The following TNIP3 variants were observed in gnomAD, a reference collection of about 807,000 sequenced individuals.
TNIP3 encodes TNFAIP3-interacting protein 3.
TNIP3 carries 34 observed loss-of-function variants against 54.1 expected under a neutral mutation model. The observed-to-expected ratio is 0.63, with a 90% CI of 0.48 to 0.84. The LOEUF (loss-of-function observed/expected upper bound fraction) is 0.84. Among genes scored for constraint, TNIP3 ranks in the 40% least tolerant of loss-of-function variants. TNIP3 has a pLI of 0.00. For missense variants in TNIP3, 366 were observed against 387.6 expected (o/e 0.94, Z 0.47); for synonymous variants, 134 against 136.8 (o/e 0.98, Z 0.14).
At chr4:121,157,369 C>G in intron 3 of TNIP3, 126 bp from the exon 4 acceptor site, 1 of 1,179,380 alleles carries the variant, frequency 8.5e-7, no homozygotes, top group Admixed American at 2.0e-5. Flanking sequence ...AGGAGAGGTT[C>G]TAGCTCCCAC....
chr4:121,151,604 T>C (rs891893934), intron 5 of TNIP3, among the ~76,000 whole-genome samples: 1 of 152,080 alleles, frequency 6.6e-6, no homozygotes, highest in African/African-American at 2.4e-5. Flanking sequence ...TTTTTTTTTT[T>C]CAATTGGTGA....
At chr4:121,227,034 A>C (rs1356852651) in intron 1 of TNIP3, among the ~76,000 whole-genome samples, 1 of 152,232 alleles carries the variant, frequency 6.6e-6, no homozygotes, top group East Asian at 1.9e-4. Flanking sequence ...TATTATTTAT[A>C]GGATTTTTAG....
intron 3 of TNIP3, among the ~76,000 whole-genome samples, chr4:121,171,943 G>A (rs1007827406): frequency 6.6e-6 from 1 of 152,038 alleles, no homozygotes; most frequent in Non-Finnish European, 1.5e-5. Context: ...ATGTTGGTCA[G>A]GCTTGTCTTG....
chr4:121,182,833 AG>A, intron 2 of TNIP3: 1 of 1,531,814 alleles, frequency 6.5e-7, no homozygotes, highest in Non-Finnish European at 8.7e-7. Flanking sequence ...CATTATACAA[AG>A]GTAATTAAAA....
At position 121,187,341 on chromosome 4, in the gene TNIP3, A is replaced by G. The variant is rs574729454; in HGVS notation, c.69-4545T>C. Reference sequence around the variant, plus strand: ...CAACTGATTGAGAGTTATGGCTCCAATGATCTCTGCTCTGGGCCCTACCTC... The same window carrying G: ...CAACTGATTGAGAGTTATGGCTCCAGTGATCTCTGCTCTGGGCCCTACCTC... On this transcript the variant is annotated intron_variant, in intron 2 of 12. Coordinates refer to the TNIP3 transcript ENST00000507879. Among the ~76,000 whole-genome samples, 42 of 152,318 alleles carry G rather than the reference A, an allele frequency of 2.8e-4. No homozygotes were observed. In the South Asian group the frequency reaches 5.4e-3, roughly 20 times the overall value.
At chr4:121,177,188 C>T (rs2148824673) in intron 3 of TNIP3, among the ~76,000 whole-genome samples, 1 of 152,272 alleles carries the variant, frequency 6.6e-6, no homozygotes, top group East Asian at 1.9e-4. Flanking sequence ...ATATTATTTT[C>T]ATAATTTTCT....
At chr4:121,148,732 T>G (rs981588125) in intron 6 of TNIP3, among the ~76,000 whole-genome samples, 23 of 152,210 alleles carry the variant, frequency 1.5e-4, no homozygotes, top group Admixed American at 7.9e-4. Flanking sequence ...TTAGATCTAT[T>G]CACAGGCTAC....
At chr4:121,197,576 A>G (rs1406630462) in intron 2 of TNIP3, among the ~76,000 whole-genome samples, 1 of 151,908 alleles carries the variant, frequency 6.6e-6, no homozygotes, top group Non-Finnish European at 1.5e-5. Context: ...GCTAAAATAC[A>G]CATTTGAAGT....
rs1263999450 is a variant in TNIP3 at position 121,212,547 on chromosome 4, G to GA, written c.68+3867dup. ...TTGCAAATAAATTAGTAAAATTTAT[G>GA]AAAAAAATTATGATTGGTCTATGAT... On this transcript the variant is annotated intron_variant, in intron 2 of 12. Transcript: ENST00000507879. 2.0e-5 allele frequency among the ~76,000 whole-genome samples: 3 copies of GA among 151,998 alleles called. No homozygotes were observed. The East Asian group carries it at 5.8e-4, about 29-fold the overall frequency.
intron 2 of TNIP3, among the ~76,000 whole-genome samples, chr4:121,191,017 C>T (rs1044869791): frequency 1.9e-4 from 29 of 152,292 alleles, no homozygotes; most frequent in African/African-American, 6.5e-4. Context: ...CTGACAGGGA[C>T]ACAGGAAGAA....
chr4:121,196,077 A>G (rs1725564800), intron 2 of TNIP3, among the ~76,000 whole-genome samples: 1 of 152,332 alleles, frequency 6.6e-6, no homozygotes, highest in South Asian at 2.1e-4. Flanking sequence ...GGCCTTTTTA[A>G]GGTGGAAACT....
intron 2 of TNIP3, among the ~76,000 whole-genome samples, chr4:121,205,319 G>A (rs1271840168): frequency 6.6e-6 from 1 of 152,118 alleles, no homozygotes; most frequent in Admixed American, 6.6e-5. Flanking sequence ...GAGCTTGTGT[G>A]GTTTTTCCAA....
Position 121,189,715 on chromosome 4 carries a change from C to T in TNIP3, c.69-6919G>A, listed in dbSNP as rs928797165. ...AAGAAGGAACATTTCTAAAGTTTTA[C>T]CCAAGGCTATGTAATTTAAAAATTT... On this transcript the variant is annotated intron_variant, in intron 2 of 12. Transcript: ENST00000507879. 2.0e-5 allele frequency among the ~76,000 whole-genome samples: 3 copies of T among 152,230 alleles called. No individual in the cohort carries two copies. In the East Asian group the frequency reaches 5.8e-4, roughly 29 times the overall value.
intron 9 of TNIP3, among the ~76,000 whole-genome samples, chr4:121,141,435 A>G (rs1316478564): frequency 6.6e-6 from 1 of 152,238 alleles, no homozygotes; most frequent in East Asian, 1.9e-4. Context: ...TAGTAGTTCA[A>G]TATAAATTTA....
At chr4:121,216,402 A>G in intron 2 of TNIP3, 2 of 1,531,052 alleles carry the variant, frequency 1.3e-6, no homozygotes, top group Non-Finnish European at 1.7e-6. Context: ...ATCTCCAAAT[A>G]AACTGTTATT....
intron 1 of TNIP3, among the ~76,000 whole-genome samples, chr4:121,162,349 G>A (rs1476662017): frequency 6.6e-6 from 1 of 152,198 alleles, no homozygotes; most frequent in African/African-American, 2.4e-5. Flanking sequence ...TTAGACCTAT[G>A]TTACAATTAA....
intron 2 of TNIP3, among the ~76,000 whole-genome samples, chr4:121,214,385 T>G (rs1208444006): frequency 1.3e-5 from 2 of 152,238 alleles, no homozygotes; most frequent in African/African-American, 2.4e-5. Context: ...TGTTAACTAC[T>G]AAATTCTACA....
upstream of TNIP3, among the ~76,000 whole-genome samples, chr4:121,216,830 T>G (rs556107792): frequency 6.6e-6 from 1 of 152,212 alleles, no homozygotes; most frequent in African/African-American, 2.4e-5. Flanking sequence ...GTTAAAGTTG[T>G]CAGACTGACA....
intron 3 of TNIP3, among the ~76,000 whole-genome samples, chr4:121,174,932 A>G (rs1241486847): frequency 6.6e-6 from 1 of 152,244 alleles, no homozygotes; most frequent in Non-Finnish European, 1.5e-5. Flanking sequence ...ACTAGAAACA[A>G]GAAGGCTTAC....
Sources: allele counts gnomAD v4.1 joint callset (sites outside exome capture counted in the v4.1 genomes callset), GRCh38; gene constraint gnomAD v4.1.1; transcripts MANE v1.5; gene names NCBI Gene and HGNC (gene_info 2026-07-23, HGNC 2026-07-21).